The following CRAMP1 variants were observed in gnomAD, a reference collection of about 807,000 sequenced individuals.
CRAMP1 encodes the protein cramped chromatin regulator 1.
In CRAMP1, 50 loss-of-function variants were observed where a neutral mutation model predicts 115.4. That is an observed-to-expected ratio of 0.43 (90% CI 0.35 to 0.55). The LOEUF (loss-of-function observed/expected upper bound fraction) is 0.55, where lower values mean the gene tolerates loss of function less well. Ranked by LOEUF, CRAMP1 falls within the 20% of genes least tolerant of loss-of-function variation. The pLI, the probability that CRAMP1 is intolerant of heterozygous loss-of-function variation, is 0.01. For missense variants in CRAMP1, 1,679 were observed against 1,721.7 expected (o/e 0.98, Z 0.44); for synonymous variants, 866 against 745.4 (o/e 1.16, Z -2.64).
intron 6 of CRAMP1, among the ~76,000 whole-genome samples, chr16:1,650,912 C>T (rs1273242978): frequency 6.6e-6 from 1 of 152,248 alleles, no homozygotes; most frequent in Non-Finnish European, 1.5e-5. Flanking sequence ...AGAGCCATGT[C>T]TTGACTGGGG....
chr16:1,654,142 C>CAAAA, intron 8 of CRAMP1, among the ~76,000 whole-genome samples: 1 of 82,452 alleles, frequency 1.2e-5, no homozygotes, highest in African/African-American at 4.7e-5. Context: ...GATTCCATCT[C>CAAAA]AAAAAAAAAA....
intron 2 of CRAMP1, among the ~76,000 whole-genome samples, chr16:1,625,184 T>C (rs2036498654): frequency 6.6e-6 from 1 of 151,964 alleles, no homozygotes; most frequent in Non-Finnish European, 1.5e-5. Context: ...GTGGGAGGAA[T>C]GTGTTAGGCC....
rs1410485661 is a variant in CRAMP1, at chr16:1,674,622, A to T, written c.*577A>T. 6.5e-6 allele frequency: 1 copy of T among 154,280 alleles called. No individual in the cohort carries two copies. The highest frequency in any genetic ancestry group is 1.4e-5 in the Non-Finnish European group (1 of 69,486). The allele number at this position is 154,280 out of a possible 1,614,324, so 9.6% of individuals were successfully genotyped here. A position where few individuals can be genotyped will look rare whatever the true frequency, so the allele number is the denominator to read the frequency against. ...GATACCGATCACAGGGCTGCTGCGG[A>T]GTCGTGGGGCCCTGGGCTGGTGCCT... On this transcript the variant is annotated 3_prime_UTR_variant, in exon 21 of 21. Coordinates refer to ENST00000397412, the MANE Select transcript of CRAMP1 (RefSeq NM_020825.4).
chr16:1,640,213 A>G (rs922442243), intron 5 of CRAMP1, among the ~76,000 whole-genome samples: 5 of 151,966 alleles, frequency 3.3e-5, no homozygotes, highest in African/African-American at 9.7e-5. Flanking sequence ...ATTCTTAGTT[A>G]TTATTAATCT....
At chr16:1,649,141 A>G (rs2036701653) in intron 6 of CRAMP1, among the ~76,000 whole-genome samples, 1 of 152,174 alleles carries the variant, frequency 6.6e-6, no homozygotes, top group African/African-American at 2.4e-5. Context: ...TCAAGACAGA[A>G]AATCTGTACA....
chr16:1,655,372 C>T (rs2036762164), intron 9 of CRAMP1, 72 bp downstream of exon 9: 4 of 1,190,712 alleles, frequency 3.4e-6, no homozygotes, highest in South Asian at 2.4e-5. Flanking sequence ...ACCACGCCTC[C>T]CTGTGCCTGT....
intron 14 of CRAMP1, among the ~76,000 whole-genome samples, chr16:1,665,529 C>T (rs1288416982): frequency 6.6e-6 from 1 of 152,174 alleles, no homozygotes; most frequent in Non-Finnish European, 1.5e-5. Context: ...GCCTTGGCTC[C>T]TTGCGGTAGA....
chr16:1,673,368 C>T (rs903190441), intron 20 of CRAMP1, among the ~76,000 whole-genome samples: 11 of 152,016 alleles, frequency 7.2e-5, no homozygotes, highest in African/African-American at 2.7e-4. Context: ...CCCACCTGTC[C>T]TCATGTCTAT....
intron 8 of CRAMP1, among the ~76,000 whole-genome samples, chr16:1,654,708 T>C (rs1002112333): frequency 6.6e-6 from 1 of 152,200 alleles, no homozygotes; most frequent in Admixed American, 6.5e-5. Context: ...TGTGTCTCAG[T>C]GGACTTGCCT....
chr16:1,663,692 AC>A (rs2036851300), intron 13 of CRAMP1, among the ~76,000 whole-genome samples: 1 of 152,130 alleles, frequency 6.6e-6, no homozygotes, highest in Non-Finnish European at 1.5e-5. Flanking sequence ...GAACGTTACC[AC>A]CCAGAAAGGA....
At chr16:1,645,750 C>T (rs1041637115) in intron 6 of CRAMP1, among the ~76,000 whole-genome samples, 5 of 152,216 alleles carry the variant, frequency 3.3e-5, no homozygotes, top group African/African-American at 7.2e-5. Flanking sequence ...TCTAGTCTCC[C>T]GCTCTCTCTA....
chr16:1,644,086 A>G (rs2036654619), intron 6 of CRAMP1, among the ~76,000 whole-genome samples: 1 of 152,222 alleles, frequency 6.6e-6, no homozygotes, highest in South Asian at 2.1e-4. Context: ...CCGTGTAGCC[A>G]AGGATTTTGG....
intron 3 of CRAMP1, among the ~76,000 whole-genome samples, chr16:1,627,593 C>T (rs749405640): frequency 2.6e-5 from 4 of 152,202 alleles, no homozygotes; most frequent in South Asian, 2.1e-4. Flanking sequence ...GCCAGGGTCG[C>T]TCCCGCCCTG....
chr16:1,620,076 T>A (rs2036453444), intron 2 of CRAMP1, among the ~76,000 whole-genome samples: 1 of 152,144 alleles, frequency 6.6e-6, no homozygotes, highest in Non-Finnish European at 1.5e-5. Context: ...TGCCTGCGGC[T>A]TGGCTTGCTT....
At chr16:1,628,972 T>G (rs570799772) in intron 3 of CRAMP1, among the ~76,000 whole-genome samples, 12 of 152,282 alleles carry the variant, frequency 7.9e-5, no homozygotes, top group Admixed American at 3.9e-4. Context: ...CGTCCAGACT[T>G]CTCCCTCTGG....
rs201262650 is a variant in CRAMP1, at chr16:1,670,767, G to A, written c.3603G>A (p.Ser1201=). 9 of 1,613,984 alleles carry A rather than the reference G, an allele frequency of 5.6e-6. No individual in the cohort carries two copies. The East Asian group carries it at 6.7e-5, about 12-fold the overall frequency. The stretch of plus-strand genomic sequence containing the variant: ...GCCCCAGCTTGTTGGATGGAAACTC[G>A]CGGGACTCATTTGTGTCCAGGTCCC... ...LLGPSLLDGN[S]RDSFVSRSLA... The change falls in exon 20 of 21, where the codon TCG becomes TCA. Residue 1201 remains serine, a synonymous_variant. Transcript: ENST00000397412.
At position 1,670,647 on chromosome 16, in the gene CRAMP1, T is replaced by A; in HGVS notation, c.3500-17T>A. ...AAGCAGGGTTCAGGGTGTTTTCCTC[T>A]GGCCTTTTCTCCGCAGCAAGCTTCA... On this transcript the variant is annotated splice_polypyrimidine_tract_variant and intron_variant, in intron 19 of 20. Transcript: ENST00000397412. 1 of 1,613,662 alleles carries A rather than the reference T, an allele frequency of 6.2e-7. No individual in the cohort carries two copies. The highest frequency in any genetic ancestry group is 8.5e-7 in the Non-Finnish European group (1 of 1,179,666).
At chr16:1,630,907 G>A (rs1172529415) in intron 3 of CRAMP1, among the ~76,000 whole-genome samples, 1 of 152,166 alleles carries the variant, frequency 6.6e-6, no homozygotes, top group East Asian at 1.9e-4. Context: ...TCCAGTTGGC[G>A]GCCCGTGGTG....
intron 6 of CRAMP1, among the ~76,000 whole-genome samples, chr16:1,651,595 T>C (rs991729668): frequency 7.1e-6 from 1 of 140,732 alleles, no homozygotes; most frequent in African/African-American, 2.8e-5. Flanking sequence ...TGGGCTGAGG[T>C]CACACAGAGG....
Sources: allele counts gnomAD v4.1 joint callset (sites outside exome capture counted in the v4.1 genomes callset), GRCh38; gene constraint gnomAD v4.1.1; transcripts MANE v1.5; gene names NCBI Gene and HGNC (gene_info 2026-07-23, HGNC 2026-07-21).